The following GABRG3 variants were observed in gnomAD, a reference collection of about 807,000 sequenced individuals.
GABRG3 encodes the protein gamma-aminobutyric acid receptor subunit gamma-3.
Under a neutral mutation model 48.8 loss-of-function variants are expected in GABRG3, and 25 were observed. The observed-to-expected ratio is 0.51, with a 90% confidence interval of 0.37 to 0.72. The LOEUF (loss-of-function observed/expected upper bound fraction) is 0.72, where lower values mean the gene tolerates loss of function less well. Ranked by LOEUF, GABRG3 falls within the 30% of genes least tolerant of loss-of-function variation. The probability of loss-of-function intolerance (pLI) is 0.00; values close to 1 mark genes in which losing one functional copy is unlikely to be tolerated. For missense variants in GABRG3, 394 were observed against 577.9 expected, an observed-to-expected ratio of 0.68 and a Z score of 3.26; for synonymous variants, 227 against 217.6, an observed-to-expected ratio of 1.04 and a Z score of -0.38.
intron 2 of GABRG3, among the ~76,000 whole-genome samples, chr15:27,020,536 T>C (rs563409572): frequency 2.9e-4 from 44 of 152,100 alleles, no homozygotes; most frequent in Non-Finnish European, 4.6e-4. Flanking sequence ...CTCAGCCTCC[T>C]GAGTAGCTGG....
chr15:27,027,820 T>A (rs1896010785), intron 3 of GABRG3, among the ~76,000 whole-genome samples: 1 of 152,210 alleles, frequency 6.6e-6, no homozygotes, highest in Non-Finnish European at 1.5e-5. Flanking sequence ...AATATTCCCT[T>A]TTCCTGATAC....
chr15:27,090,166 C>T (rs1020763565), intron 3 of GABRG3, among the ~76,000 whole-genome samples: 58 of 152,274 alleles, frequency 3.8e-4, no homozygotes, highest in African/African-American at 1.2e-3. Flanking sequence ...TACTGTTTTT[C>T]ACTTTCAATA....
intron 6 of GABRG3, among the ~76,000 whole-genome samples, chr15:27,501,944 C>T (rs1300076236): frequency 6.6e-6 from 1 of 152,130 alleles, no homozygotes; most frequent in Admixed American, 6.5e-5. Context: ...GTCTTGCATA[C>T]CCATGTTGAA....
intron 5 of GABRG3, among the ~76,000 whole-genome samples, chr15:27,455,564 G>T (rs952350185): frequency 7.3e-5 from 11 of 150,934 alleles, no homozygotes; most frequent in African/African-American, 2.7e-4. Flanking sequence ...GTTTGTGTGT[G>T]GTGTGTGTGT....
intron 3 of GABRG3, among the ~76,000 whole-genome samples, chr15:27,304,240 G>T (rs975103352): frequency 1.3e-5 from 2 of 151,824 alleles, no homozygotes; most frequent in Admixed American, 6.6e-5. Flanking sequence ...AAAATAAAAA[G>T]TGTACAAATT....
At chr15:27,114,561 G>T (rs917925825) in intron 3 of GABRG3, among the ~76,000 whole-genome samples, 1 of 152,120 alleles carries the variant, frequency 6.6e-6, no homozygotes, top group Non-Finnish European at 1.5e-5. Flanking sequence ...TCTGAAGTGC[G>T]CTTTGCTGTA....
chr15:27,160,145 G>A (rs1391277723), intron 3 of GABRG3, among the ~76,000 whole-genome samples: 1 of 152,158 alleles, frequency 6.6e-6, no homozygotes, highest in East Asian at 1.9e-4. Flanking sequence ...TACTTTGGTG[G>A]AGAATATTCT....
chr15:27,002,744 CAAAAAAAAAAA>C (rs71413297), intron 2 of GABRG3, among the ~76,000 whole-genome samples: 1 of 25,494 alleles, frequency 3.9e-5, no homozygotes, highest in Admixed American at 3.9e-4. Flanking sequence ...CCGTGTCTCT[CAAAAAAAAAAA>C]AAAAAAAAGG....
At chr15:27,244,273 A>C (rs536033106) in intron 3 of GABRG3, among the ~76,000 whole-genome samples, 3 of 152,208 alleles carry the variant, frequency 2.0e-5, no homozygotes, top group Non-Finnish European at 4.4e-5. Context: ...TTAACCGCCC[A>C]CAGAGTCAGC....
intron 3 of GABRG3, among the ~76,000 whole-genome samples, chr15:27,105,898 GATAA>G (rs1273481173): frequency 1.3e-5 from 2 of 151,998 alleles, no homozygotes; most frequent in African/African-American, 4.8e-5. Context: ...TGGACAAATG[GATAA>G]ATAAACTGTG....
At chr15:27,187,321 T>A (rs111798187) in intron 3 of GABRG3, among the ~76,000 whole-genome samples, 3 of 152,230 alleles carry the variant, frequency 2.0e-5, no homozygotes, top group African/African-American at 7.2e-5. Context: ...TTTTGGTTAC[T>A]GTAGCCTTGT....
At chr15:27,001,678 A>G (rs1460328383) in intron 2 of GABRG3, among the ~76,000 whole-genome samples, 1 of 152,168 alleles carries the variant, frequency 6.6e-6, no homozygotes, top group Non-Finnish European at 1.5e-5. Context: ...GTAGAGTCAT[A>G]TTAGCTTTGT....
rs187727673 is a variant in GABRG3 at position 27,482,208 on chromosome 15, T to A, written c.712+1421T>A. ...ATTATAATCAATCTCTAAAGTCATA[T>A]TTTTAATAAGTTTTACAACCACATT... On this transcript the variant is annotated intron_variant, in intron 6 of 9. Coordinates refer to ENST00000615808, the MANE Select transcript of GABRG3 (RefSeq NM_033223.5). 3.2e-3 allele frequency among the ~76,000 whole-genome samples: 481 copies of A among 152,354 alleles called. 3 individuals carry two copies. Among genetic ancestry groups the A allele is most frequent in the Non-Finnish European group, 5.3e-3 (358 of 68,036 alleles).
At chr15:27,187,287 CT>C (rs1445174119) in intron 3 of GABRG3, among the ~76,000 whole-genome samples, 9 of 152,102 alleles carry the variant, frequency 5.9e-5, no homozygotes, top group African/African-American at 2.2e-4. Context: ...GTCTATGAGT[CT>C]GTTTTCATAC....
At chr15:27,233,988 A>G (rs923625609) in intron 3 of GABRG3, among the ~76,000 whole-genome samples, 6 of 152,210 alleles carry the variant, frequency 3.9e-5, no homozygotes, top group African/African-American at 1.4e-4. Flanking sequence ...TGAACCAAGC[A>G]TCTCTAATTC....
intron 3 of GABRG3, among the ~76,000 whole-genome samples, chr15:27,099,135 G>A (rs1198192737): frequency 6.6e-6 from 1 of 152,206 alleles, no homozygotes; most frequent in Non-Finnish European, 1.5e-5. Flanking sequence ...AAAATATGTA[G>A]TATGCAGAGA....
At chr15:27,226,325 CAG>C (rs1411526469) in intron 3 of GABRG3, among the ~76,000 whole-genome samples, 4 of 152,140 alleles carry the variant, frequency 2.6e-5, no homozygotes, top group Non-Finnish European at 1.5e-5. Flanking sequence ...AATGTGCTCT[CAG>C]GGACTGAGCG....
intron 3 of GABRG3, among the ~76,000 whole-genome samples, chr15:27,127,647 C>T (rs1027451212): frequency 5.9e-5 from 9 of 152,184 alleles, no homozygotes; most frequent in Non-Finnish European, 1.0e-4. Context: ...TTTATACCTG[C>T]ATGGCCAACA....
chr15:27,393,921 T>G (rs1887223835), intron 5 of GABRG3, among the ~76,000 whole-genome samples: 1 of 152,166 alleles, frequency 6.6e-6, no homozygotes, highest in Non-Finnish European at 1.5e-5. Flanking sequence ...TAAATTATCA[T>G]TATTGGATTA....
Sources: allele counts gnomAD v4.1 joint callset (sites outside exome capture counted in the v4.1 genomes callset), GRCh38; gene constraint gnomAD v4.1.1; transcripts MANE v1.5; gene names NCBI Gene and HGNC (gene_info 2026-07-23, HGNC 2026-07-21).